EZH2: variants seen among roughly 807,000 people sequenced by gnomAD.
EZH2 encodes enhancer of zeste 2 polycomb repressive complex 2 subunit.
Under a neutral mutation model 98.4 loss-of-function variants are expected in EZH2, and 18 were observed. The observed-to-expected ratio is 0.18, with a 90% CI of 0.13 to 0.27. EZH2 has a LOEUF of 0.27. Ranked by LOEUF, EZH2 falls within the 10% of genes least tolerant of loss-of-function variation. The pLI is 1.00. For synonymous variants in EZH2, 338 were observed against 312.3 expected, an observed-to-expected ratio of 1.08 and a Z score of -0.87; for missense variants, 470 against 935.1, an observed-to-expected ratio of 0.50 and a Z score of 6.49.
At chr7:148,852,603 T>C (rs1255606378) in intron 1 of EZH2, among the ~76,000 whole-genome samples, 1 of 152,130 alleles carries the variant, frequency 6.6e-6, no homozygotes, top group Admixed American at 6.5e-5. Flanking sequence ...TCCCCTTAGG[T>C]CTAAACCTGG....
rs1818539309 is a variant in EZH2, at chr7:148,866,598, ATATAT to A, written c.-8+17561_-8+17565del. 2.0e-5 allele frequency among the ~76,000 whole-genome samples: 3 copies of A among 147,094 alleles called. No homozygotes were observed. In the South Asian group the frequency reaches 6.3e-4, roughly 31 times the overall value. ...CGTATATACATATATTGTATACACT[ATATAT>A]TATATATAATATATATGCATATATG... On this transcript the variant is annotated intron_variant, in intron 1 of 19. Transcript: ENST00000320356.
At chr7:148,818,520 G>T (rs538781673) in intron 9 of EZH2, among the ~76,000 whole-genome samples, 2 of 152,252 alleles carry the variant, frequency 1.3e-5, no homozygotes, top group South Asian at 4.1e-4. Flanking sequence ...TATACCTAAT[G>T]TGCACGGAGT....
intron 4 of EZH2, among the ~76,000 whole-genome samples, chr7:148,831,639 T>G (rs1809423923): frequency 6.6e-6 from 1 of 152,196 alleles, no homozygotes. Context: ...CTCAAGGTCA[T>G]GCAATGTAAT....
At chr7:148,827,102 A>C in intron 7 of EZH2, 62 bp downstream of exon 7, 1 of 1,310,914 alleles carries the variant, frequency 7.6e-7, no homozygotes, top group Non-Finnish European at 1.1e-6. Flanking sequence ...ATTTGTAATA[A>C]ACCAAAATGG....
At chr7:148,826,719 TTTTGATG>T in intron 7 of EZH2, 87 bp from the exon 8 acceptor site, 1 of 1,129,264 alleles carries the variant, frequency 8.9e-7, no homozygotes. Flanking sequence ...CATGTGTTAC[TTTTGATG>T]TTTATCTTGC....
At chr7:148,811,774 G>A (rs942172367) in intron 15 of EZH2, 54 bp from the exon 16 acceptor site, 1 of 1,448,472 alleles carries the variant, frequency 6.9e-7, no homozygotes, top group South Asian at 1.2e-5. Flanking sequence ...AAATGGACTG[G>A]GGACAAAGTA....
At chr7:148,875,250 G>A (rs1260993578) in intron 1 of EZH2, among the ~76,000 whole-genome samples, 1 of 152,100 alleles carries the variant, frequency 6.6e-6, no homozygotes, top group Non-Finnish European at 1.5e-5. Context: ...AGGACAATTT[G>A]TTTCACATAA....
At chr7:148,843,320 G>A (rs1414747010) in intron 3 of EZH2, among the ~76,000 whole-genome samples, 1 of 151,946 alleles carries the variant, frequency 6.6e-6, no homozygotes, top group African/African-American at 2.4e-5. Flanking sequence ...CAAGGCTGCT[G>A]TGATTGTACC....
chr7:148,863,791 G>A (rs1390782204), intron 1 of EZH2, among the ~76,000 whole-genome samples: 1 of 152,184 alleles, frequency 6.6e-6, no homozygotes, highest in Non-Finnish European at 1.5e-5. Flanking sequence ...CTTGGGGAAA[G>A]GCAGGAACAA....
chr7:148,820,309 A>G (rs1805662371), intron 8 of EZH2, among the ~76,000 whole-genome samples: 1 of 152,224 alleles, frequency 6.6e-6, no homozygotes, highest in Non-Finnish European at 1.5e-5. Context: ...ATGTAACAGA[A>G]AGATTCAAAT....
intron 12 of EZH2, among the ~76,000 whole-genome samples, chr7:148,816,188 A>G (rs1804501816): frequency 6.6e-6 from 1 of 152,208 alleles, no homozygotes; most frequent in South Asian, 2.1e-4. Flanking sequence ...TTCTACATTT[A>G]CAAATCAAAT....
chr7:148,832,603 C>CA, intron 4 of EZH2, 31 bp downstream of exon 4: 1 of 1,132,392 alleles, frequency 8.8e-7, no homozygotes, highest in Non-Finnish European at 1.3e-6. Flanking sequence ...AAGTTATTAT[C>CA]AAATAAGCAG....
At chr7:148,866,665 C>T (rs7796382) in intron 1 of EZH2, among the ~76,000 whole-genome samples, 3 of 144,654 alleles carry the variant, frequency 2.1e-5, no homozygotes, top group African/African-American at 5.1e-5. Flanking sequence ...TACGTATATG[C>T]ATATATATGT....
chr7:148,883,421 G>A (rs1585349446), intron 1 of EZH2: 1 of 152,370 alleles, frequency 6.6e-6, no homozygotes, highest in Non-Finnish European at 1.5e-5. Context: ...GGCAGCCCGC[G>A]ACCGCCGGAG....
chr7:148,809,491 G>T, intron 17 of EZH2, 101 bp from the exon 18 acceptor site: 1 of 856,632 alleles, frequency 1.2e-6, no homozygotes, highest in Non-Finnish European at 1.8e-6. Context: ...GTTCTTCAGG[G>T]TTTGCCTGCA....
chr7:148,870,346 G>C (rs1251509705), intron 1 of EZH2, among the ~76,000 whole-genome samples: 2 of 152,106 alleles, frequency 1.3e-5, no homozygotes, highest in Non-Finnish European at 2.9e-5. Context: ...ACACGTTTTA[G>C]ATCAGAATTT....
chr7:148,809,967 A>G (rs1802575567), intron 17 of EZH2, among the ~76,000 whole-genome samples: 1 of 152,208 alleles, frequency 6.6e-6, no homozygotes, highest in South Asian at 2.1e-4. Context: ...ATGGTTGCAA[A>G]TGCAGTGCTC....
At chr7:148,837,569 A>G (rs963069714) in intron 3 of EZH2, among the ~76,000 whole-genome samples, 1 of 152,250 alleles carries the variant, frequency 6.6e-6, no homozygotes, top group Non-Finnish European at 1.5e-5. Context: ...ACTTTTATGC[A>G]AAGTAAGTAC....
chr7:148,867,499 A>G lies in EZH2; in HGVS notation c.-8+16665T>C, dbSNP rs901938848. ...TGGTTTTCTGAGTCTCCACTGACCT[A>G]TGGAAATGATACAAAGACATGACCA... On this transcript the variant is annotated intron_variant, in intron 1 of 19. Transcript: ENST00000320356. Among the ~76,000 whole-genome samples, 12 of 152,314 alleles carry G rather than the reference A, an allele frequency of 7.9e-5. No individual in the cohort carries two copies. In the East Asian group the frequency reaches 2.3e-3, roughly 29 times the overall value.
Sources: allele counts gnomAD v4.1 joint callset (sites outside exome capture counted in the v4.1 genomes callset), GRCh38; gene constraint gnomAD v4.1.1; transcripts MANE v1.5; gene names NCBI Gene and HGNC (gene_info 2026-07-23, HGNC 2026-07-21).